GALNT2: variants seen among roughly 807,000 people sequenced by gnomAD.
GALNT2 encodes polypeptide N-acetylgalactosaminyltransferase 2.
A neutral mutation model predicts 81.4 loss-of-function variants in GALNT2; 31 were observed. The observed-to-expected ratio is 0.38, with a 90% CI of 0.29 to 0.51. The LOEUF is 0.51. Among genes scored for constraint, GALNT2 ranks in the 20% least tolerant of loss-of-function variants. GALNT2 has a pLI of 0.87. For synonymous variants in GALNT2, 303 were observed against 287.4 expected, an observed-to-expected ratio of 1.05 and a Z score of -0.55; for missense variants, 629 against 765.7, an observed-to-expected ratio of 0.82 and a Z score of 2.11.
chr1:230,185,219 A>G (rs537472653), intron 2 of GALNT2, among the ~76,000 whole-genome samples: 5 of 151,664 alleles, frequency 3.3e-5, no homozygotes, highest in East Asian at 1.9e-4. Flanking sequence ...ACATTGTTCT[A>G]TATCTGAGTC....
chr1:230,089,643 C>T (rs1660002402), intron 1 of GALNT2, among the ~76,000 whole-genome samples: 1 of 152,200 alleles, frequency 6.6e-6, no homozygotes, highest in Non-Finnish European at 1.5e-5. Flanking sequence ...TTCTAGGTAG[C>T]TCATGTAAGT....
intron 1 of GALNT2, among the ~76,000 whole-genome samples, chr1:230,133,613 C>T (rs552712392): frequency 2.0e-5 from 3 of 152,210 alleles, no homozygotes; most frequent in African/African-American, 7.2e-5. Context: ...GCCACCGCGC[C>T]CAGCTAATTT....
At chr1:230,228,269 T>A (rs140149460) in intron 3 of GALNT2, among the ~76,000 whole-genome samples, 18 of 152,174 alleles carry the variant, frequency 1.2e-4, no homozygotes, top group Non-Finnish European at 2.4e-4. Context: ...CATGCAGGGT[T>A]TTTTCATGGA....
At chr1:230,180,441 G>A (rs1338602555) in intron 2 of GALNT2, among the ~76,000 whole-genome samples, 2 of 150,360 alleles carry the variant, frequency 1.3e-5, no homozygotes, top group Non-Finnish European at 2.9e-5. Context: ...GTTCTATATT[G>A]GAGCTCTTTA....
rs1048066861 is a variant in GALNT2 at position 230,236,672 on chromosome 1, C to A, written c.554C>A (p.Ala185Asp). The A allele has an allele frequency of 2.5e-6, 4 of 1,613,022 alleles. No individual in the cohort carries two copies. The highest frequency in any genetic ancestry group is 3.4e-6 in the Non-Finnish European group (4 of 1,179,740). Residue 185 changes from alanine (A) to aspartate (D), a missense_variant, in exon 6 of 16, where the codon GCT (alanine) becomes GAT (aspartate). Physicochemically the swap from Ala to Asp is moderately radical, Grantham distance 126. This residue lies in a region of GALNT2 where 360 missense variants were observed against 492.8 expected (regional missense o/e 0.73). Transcript: ENST00000366672. Reference sequence around the variant, plus strand: ...TTTCTTTTCCTAGCTGAGGACGGGGCTCTCTTGGGGAAAATTGAGAAAGTG... The same window carrying A: ...TTTCTTTTCCTAGCTGAGGACGGGGATCTCTTGGGGAAAATTGAGAAAGTG... The part of the protein sequence containing the change: ...DDYSNDPEDG[A>D]LLGKIEKVRV...
At chr1:230,094,394 C>A (rs1035263150) in intron 1 of GALNT2, among the ~76,000 whole-genome samples, 3 of 151,948 alleles carry the variant, frequency 2.0e-5, no homozygotes, top group African/African-American at 7.2e-5. Context: ...GAGGTCGAGG[C>A]GGGTGGGAGG....
chr1:230,075,959 G>T (rs963029666), intron 1 of GALNT2, among the ~76,000 whole-genome samples: 1 of 152,054 alleles, frequency 6.6e-6, no homozygotes, highest in Non-Finnish European at 1.5e-5. Flanking sequence ...CTACTCCTTG[G>T]TTTCTTTTGC....
At chr1:230,095,098 G>A (rs1660213936) in intron 1 of GALNT2, among the ~76,000 whole-genome samples, 2 of 152,070 alleles carry the variant, frequency 1.3e-5, no homozygotes, top group Admixed American at 1.3e-4. Flanking sequence ...GGTTGTGTTG[G>A]TTAAGACAGA....
chr1:230,252,495 A>AG (rs1665578281), intron 10 of GALNT2, among the ~76,000 whole-genome samples: 2 of 152,188 alleles, frequency 1.3e-5, no homozygotes, highest in African/African-American at 4.8e-5. Flanking sequence ...AAGTACTTCC[A>AG]GGGAATCATC....
At chr1:230,213,217 A>G (rs1273483135) in intron 3 of GALNT2, among the ~76,000 whole-genome samples, 1 of 152,230 alleles carries the variant, frequency 6.6e-6, no homozygotes, top group Non-Finnish European at 1.5e-5. Context: ...GTTGTCAAGA[A>G]ACTGTAGTCT....
chr1:230,141,919 T>C (rs1661754032), intron 1 of GALNT2, among the ~76,000 whole-genome samples: 1 of 150,760 alleles, frequency 6.6e-6, no homozygotes, highest in African/African-American at 2.4e-5. Context: ...CCCAAGTAGC[T>C]AGGATGACAA....
At chr1:230,120,173 G>T (rs954215051) in intron 1 of GALNT2, among the ~76,000 whole-genome samples, 1 of 151,646 alleles carries the variant, frequency 6.6e-6, no homozygotes, top group Non-Finnish European at 1.5e-5. Context: ...GTGGGGGTGG[G>T]GGTGAGTGGG....
chr1:230,266,915 A>G (rs1446515963), intron 14 of GALNT2, among the ~76,000 whole-genome samples: 2 of 152,166 alleles, frequency 1.3e-5, no homozygotes, highest in Non-Finnish European at 2.9e-5. Flanking sequence ...ATGTGATGCT[A>G]TGTTTGGGTA....
chr1:230,164,276 G>A (rs1005017532), intron 1 of GALNT2, among the ~76,000 whole-genome samples: 3 of 152,296 alleles, frequency 2.0e-5, no homozygotes, highest in Non-Finnish European at 2.9e-5. Flanking sequence ...AGTAGAGGCC[G>A]GTGCTTTGCT....
rs756733055 is a variant in GALNT2, at chr1:230,265,373, T to C, written c.1440+6T>C. On this transcript the variant is annotated splice_donor_region_variant and intron_variant, in intron 14 of 15. Transcript: ENST00000366672. The stretch of plus-strand genomic sequence containing the variant: ...ACAATGCTGGGGGAAACCAGGTATG[T>C]GCATGGGGAAGCCAGGTCACCTGCA... 3.1e-6 allele frequency: 5 copies of C among 1,614,196 alleles called. No homozygotes were observed. The South Asian group carries it at 5.5e-5, about 18-fold the overall frequency.
At chr1:230,249,344 A>C in intron 9 of GALNT2, 73 bp downstream of exon 9, 1 of 1,383,156 alleles carries the variant, frequency 7.2e-7, no homozygotes, top group Non-Finnish European at 1.0e-6. Context: ...CTGGGCCCGC[A>C]CCGCCTGGAG....
At chr1:230,188,963 T>G (rs1663430044) in intron 2 of GALNT2, among the ~76,000 whole-genome samples, 1 of 150,828 alleles carries the variant, frequency 6.6e-6, no homozygotes, top group Non-Finnish European at 1.5e-5. Context: ...GCAGAAGGAC[T>G]GGCAAAGGAG....
At position 230,148,436 on chromosome 1, in the gene GALNT2, G is replaced by A. The variant is rs549068924; in HGVS notation, c.127-29782G>A. 7.2e-5 allele frequency among the ~76,000 whole-genome samples: 11 copies of A among 152,358 alleles called. No homozygotes were observed. The East Asian group carries it at 1.7e-3, about 24-fold the overall frequency. ...CTGGGTGCATCCAACAGGTCCCACA[G>A]CCCTGGAAAGCCCTCGTTTAACACA... On this transcript the variant is annotated intron_variant, in intron 1 of 15. Coordinates refer to ENST00000366672, the MANE Select transcript of GALNT2 (RefSeq NM_004481.5).
chr1:230,221,641 A>G (rs1022815948), intron 3 of GALNT2, among the ~76,000 whole-genome samples: 3 of 152,248 alleles, frequency 2.0e-5, no homozygotes, highest in Non-Finnish European at 4.4e-5. Flanking sequence ...TGCTTCAGAA[A>G]AACTGATTTG....
Sources: allele counts gnomAD v4.1 joint callset (sites outside exome capture counted in the v4.1 genomes callset), GRCh38; gene constraint gnomAD v4.1.1; regional missense constraint gnomAD v4.1.1; transcripts MANE v1.5; gene names NCBI Gene and HGNC (gene_info 2026-07-23, HGNC 2026-07-21).